The following NPY2R variants were observed in gnomAD, a reference collection of about 807,000 sequenced individuals.
The protein encoded by NPY2R is neuropeptide Y receptor Y2.
Under a neutral mutation model 22.3 loss-of-function variants are expected in NPY2R, and 17 were observed. The ratio of observed to expected loss-of-function variants is 0.76; its 90% CI spans 0.52 to 1.14. The LOEUF (loss-of-function observed/expected upper bound fraction) is 1.14. Among genes scored for constraint, NPY2R ranks in the 50% most tolerant of loss-of-function variants. NPY2R has a pLI of 0.00. For synonymous variants in NPY2R, 209 were observed against 183.4 expected (o/e 1.14, Z -1.13); for missense variants, 424 against 467.9 (o/e 0.91, Z 0.87).
chr4:155,210,040 A>G (rs370326180), intron 1 of NPY2R, among the ~76,000 whole-genome samples: 2 of 152,202 alleles, frequency 1.3e-5, no homozygotes, highest in East Asian at 1.9e-4. Flanking sequence ...GGAAAATTGT[A>G]CCAGTAAAAG....
chr4:155,214,079 T>C lies in NPY2R; in HGVS notation c.140T>C (p.Ile47Thr). 1.9e-6 allele frequency: 3 copies of C among 1,614,074 alleles called. No homozygotes were observed. Among genetic ancestry groups the C allele is most frequent in the East Asian group, 2.2e-5 (1 of 44,870 alleles). The change falls in exon 2 of 2, where the codon ATT (isoleucine) becomes ACT (threonine). Residue 47 changes from isoleucine (I) to threonine (T), a missense_variant. Physicochemically the swap from Ile to Thr is moderately conservative, Grantham distance 89 (BLOSUM62 -1). Coordinates refer to ENST00000329476, the MANE Select transcript of NPY2R (RefSeq NM_000910.4). ...EPELIDSTKL[I>T]EVQVVLILAY... The stretch of plus-strand genomic sequence containing the variant: ...GAGCTTATAGATAGTACCAAGCTGA[T>C]TGAGGTACAAGTTGTTCTCATATTG...
At chr4:155,191,084 T>C in the NPY2R span, among the ~76,000 whole-genome samples, 4 of 152,004 alleles carry the variant, frequency 2.6e-5, no homozygotes, top group African/African-American at 7.2e-5. Context: ...ACATGTTCAA[T>C]TGGAAATGAT....
Position 155,214,767 on chromosome 4 carries a change from G to A in NPY2R, c.828G>A (p.Val276=). 1 of 1,614,092 alleles carries A rather than the reference G, an allele frequency of 6.2e-7. No individual in the cohort carries two copies. The highest frequency in any genetic ancestry group is 1.3e-5 in the African/African-American group (1 of 75,062). The change falls in exon 2 of 2, where the codon GTG becomes GTA. Residue 276 remains valine (V), a synonymous_variant. Coordinates refer to ENST00000329476, the MANE Select transcript of NPY2R (RefSeq NM_000910.4). ...TTKMLVCVVV[V]FAVSWLPLHA... Reference sequence around the variant, plus strand: ...AAATGCTGGTGTGTGTGGTGGTGGTGTTTGCGGTCAGCTGGCTGCCTCTCC... The same window carrying A: ...AAATGCTGGTGTGTGTGGTGGTGGTATTTGCGGTCAGCTGGCTGCCTCTCC...
chr4:155,174,716 G>T, the NPY2R span, among the ~76,000 whole-genome samples: 8 of 151,640 alleles, frequency 5.3e-5, no homozygotes, highest in Non-Finnish European at 1.2e-4. Context: ...AAGAATTTTG[G>T]GAACAAGTGT....
chr4:155,210,796 G>A (rs549395004), intron 1 of NPY2R, among the ~76,000 whole-genome samples: 1 of 152,296 alleles, frequency 6.6e-6, no homozygotes, highest in East Asian at 1.9e-4. Context: ...CTGTGGAAGG[G>A]TGAGTGGTGA....
the NPY2R span, among the ~76,000 whole-genome samples, chr4:155,200,851 T>G: frequency 6.6e-6 from 1 of 151,798 alleles, no homozygotes; most frequent in Non-Finnish European, 1.5e-5. Context: ...TAGGACCAGT[T>G]GGTGGTTTGG....
At chr4:155,213,098 A>G (rs1362424066) in intron 1 of NPY2R, among the ~76,000 whole-genome samples, 1 of 152,162 alleles carries the variant, frequency 6.6e-6, no homozygotes, top group Non-Finnish European at 1.5e-5. Context: ...AAAAGCATAC[A>G]GAGTGGTATA....
chr4:155,176,585 A>G, the NPY2R span, among the ~76,000 whole-genome samples: 1 of 152,178 alleles, frequency 6.6e-6, no homozygotes, highest in African/African-American at 2.4e-5. Flanking sequence ...CCACCATATT[A>G]GGATACATAA....
At chr4:155,195,929 T>C in the NPY2R span, among the ~76,000 whole-genome samples, 1 of 151,994 alleles carries the variant, frequency 6.6e-6, no homozygotes, top group Non-Finnish European at 1.5e-5. Flanking sequence ...GTTAAGAAAA[T>C]AACTCAGTGA....
chr4:155,187,852 A>C, the NPY2R span, among the ~76,000 whole-genome samples: 1 of 152,202 alleles, frequency 6.6e-6, no homozygotes, highest in Non-Finnish European at 1.5e-5. Flanking sequence ...AATGTCGTAC[A>C]GAAAAATAAG....
the NPY2R span, among the ~76,000 whole-genome samples, chr4:155,182,274 C>T: frequency 2.0e-5 from 3 of 152,096 alleles, no homozygotes; most frequent in Non-Finnish European, 4.4e-5. Flanking sequence ...TTTCTGGAGT[C>T]CACTGGTCTT....
At chr4:155,211,294 C>T (rs974899344) in intron 1 of NPY2R, among the ~76,000 whole-genome samples, 5 of 152,086 alleles carry the variant, frequency 3.3e-5, no homozygotes, top group Non-Finnish European at 7.3e-5. Flanking sequence ...ACAGTCACAA[C>T]GTGGCATGTG....
chr4:155,194,556 A>G, the NPY2R span, among the ~76,000 whole-genome samples: 2 of 151,936 alleles, frequency 1.3e-5, no homozygotes, highest in Non-Finnish European at 2.9e-5. Flanking sequence ...ACCTACATTC[A>G]CTGCTACAAA....
At chr4:155,175,505 T>C in the NPY2R span, among the ~76,000 whole-genome samples, 12 of 152,168 alleles carry the variant, frequency 7.9e-5, no homozygotes, top group African/African-American at 2.9e-4. Flanking sequence ...CCTGTTTTTC[T>C]TGGTGTTGCT....
At chr4:155,187,851 C>G in the NPY2R span, among the ~76,000 whole-genome samples, 1 of 152,016 alleles carries the variant, frequency 6.6e-6, no homozygotes, top group African/African-American at 2.4e-5. Flanking sequence ...TAATGTCGTA[C>G]AGAAAAATAA....
intron 1 of NPY2R, among the ~76,000 whole-genome samples, chr4:155,210,482 C>A (rs575801787): frequency 5.3e-5 from 8 of 152,188 alleles, no homozygotes; most frequent in Non-Finnish European, 7.3e-5. Context: ...AAACTCCAGC[C>A]TCTTGGAGTC....
chr4:155,187,489 C>T, the NPY2R span, among the ~76,000 whole-genome samples: 1 of 151,872 alleles, frequency 6.6e-6, no homozygotes, highest in Non-Finnish European at 1.5e-5. Flanking sequence ...AGAAACAAAC[C>T]AGTAGATATA....
At chr4:155,184,738 C>T in the NPY2R span, among the ~76,000 whole-genome samples, 8 of 151,960 alleles carry the variant, frequency 5.3e-5, no homozygotes, top group South Asian at 8.3e-4. Context: ...TATTGTGCTG[C>T]GCGATAGCCT....
At chr4:155,194,635 T>C in the NPY2R span, among the ~76,000 whole-genome samples, 1 of 152,030 alleles carries the variant, frequency 6.6e-6, no homozygotes, top group Non-Finnish European at 1.5e-5. Flanking sequence ...ATTTTCTTTA[T>C]CCACCACTGA....
Sources: gnomAD v4.1 joint callset for allele counts (sites outside exome capture counted in the v4.1 genomes callset) on GRCh38, gnomAD v4.1.1 for gene constraint, MANE v1.5 for transcripts, NCBI Gene and HGNC (gene_info 2026-07-23, HGNC 2026-07-21) for gene names.